Variants in RFPL1 observed in about 807,000 individuals in gnomAD.
The protein encoded by RFPL1 is ret finger protein-like 1.
Under a neutral mutation model 9.6 loss-of-function variants are expected in RFPL1, and 6 were observed. The ratio of observed to expected loss-of-function variants is 0.62; its 90% CI spans 0.34 to 1.23. RFPL1 has a LOEUF of 1.23. Ranked by LOEUF, RFPL1 falls within the 50% of genes most tolerant of loss-of-function variation. The pLI is 0.03. For missense variants in RFPL1, 352 were observed against 398.4 expected, an observed-to-expected ratio of 0.88 and a Z score of 0.99; for synonymous variants, 145 against 149.4, an observed-to-expected ratio of 0.97 and a Z score of 0.22.
chr22:29,389,058 CTTAT>C, the RFPL1 span, among the ~76,000 whole-genome samples: 2 of 152,066 alleles, frequency 1.3e-5, no homozygotes, highest in South Asian at 2.1e-4. Flanking sequence ...TTATTATTTA[CTTAT>C]TTATTTTTTG....
exon 2 of RFPL1, chr22:29,442,289 A>G (rs962929502): frequency 6.2e-6 from 3 of 481,750 alleles, no homozygotes; most frequent in African/African-American, 5.8e-5. Context: ...TTGAGTCCTA[A>G]GTATTAATTA....
At chr22:29,442,205 G>A (rs1234357385) in exon 2 of RFPL1, 20 of 993,676 alleles carry the variant, frequency 2.0e-5, no homozygotes, top group South Asian at 8.4e-5. Flanking sequence ...CGGTAAAAGC[G>A]TTATACAAAG....
At chr22:29,392,422 C>T in the RFPL1 span, among the ~76,000 whole-genome samples, 1 of 113,234 alleles carries the variant, frequency 8.8e-6, no homozygotes, top group Non-Finnish European at 1.7e-5. Flanking sequence ...AAGACAGAGT[C>T]TCCGTCACTC....
At chr22:29,423,970 A>G in the RFPL1 span, among the ~76,000 whole-genome samples, 1 of 152,162 alleles carries the variant, frequency 6.6e-6, no homozygotes, top group African/African-American at 2.4e-5. Flanking sequence ...AGGCACGTGG[A>G]TCACCTGAGG....
At chr22:29,390,505 C>G in the RFPL1 span, among the ~76,000 whole-genome samples, 1 of 152,104 alleles carries the variant, frequency 6.6e-6, no homozygotes, top group East Asian at 1.9e-4. Context: ...TTTTATATAT[C>G]TGCAGTATAA....
the RFPL1 span, among the ~76,000 whole-genome samples, chr22:29,409,372 T>C: frequency 6.6e-6 from 1 of 152,188 alleles, no homozygotes; most frequent in African/African-American, 2.4e-5. Flanking sequence ...TTGCTCTAGC[T>C]AGAAAGCCAA....
chr22:29,415,500 G>A, the RFPL1 span, among the ~76,000 whole-genome samples: 600 of 152,356 alleles, frequency 3.9e-3, 2 homozygotes, highest in East Asian at 0.017. Flanking sequence ...CAGGAACCGC[G>A]TAGCTCAAGC....
the RFPL1 span, among the ~76,000 whole-genome samples, chr22:29,392,854 G>T: frequency 6.6e-6 from 1 of 152,196 alleles, no homozygotes; most frequent in Non-Finnish European, 1.5e-5. Context: ...AACTTAAATA[G>T]CATGTGAGTG....
At chr22:29,410,451 TAG>T in the RFPL1 span, among the ~76,000 whole-genome samples, 29 of 100,594 alleles carry the variant, frequency 2.9e-4, no homozygotes, top group East Asian at 7.6e-4. Flanking sequence ...TATCTATATA[TAG>T]ATATATATAT....
the RFPL1 span, among the ~76,000 whole-genome samples, chr22:29,395,759 G>A: frequency 1.3e-5 from 2 of 152,074 alleles, no homozygotes. Flanking sequence ...GATCACCTGA[G>A]GTCAGGAGTT....
chr22:29,422,709 C>T, the RFPL1 span, among the ~76,000 whole-genome samples: 1 of 152,052 alleles, frequency 6.6e-6, no homozygotes, highest in Non-Finnish European at 1.5e-5. Flanking sequence ...CGCCACTGCA[C>T]TCCAGCTTGG....
the RFPL1 span, among the ~76,000 whole-genome samples, chr22:29,397,009 C>T: frequency 2.7e-5 from 4 of 150,852 alleles, no homozygotes; most frequent in African/African-American, 9.8e-5. Flanking sequence ...CGGGTTCACG[C>T]CATTCTCCTG....
chr22:29,439,010 G>A (rs756683428), exon 1 of RFPL1: 45 of 1,613,936 alleles, frequency 2.8e-5, no homozygotes, highest in Admixed American at 8.3e-5. Flanking sequence ...AGCCCCATGG[G>A]GAGGATCTAC....
the RFPL1 span, among the ~76,000 whole-genome samples, chr22:29,400,580 G>A: frequency 2.6e-5 from 4 of 151,960 alleles, no homozygotes; most frequent in African/African-American, 9.7e-5. Flanking sequence ...TCCTTTATTG[G>A]TTCTTACCAT....
the RFPL1 span, among the ~76,000 whole-genome samples, chr22:29,427,664 A>G: frequency 6.6e-6 from 1 of 152,066 alleles, no homozygotes. Context: ...ATCCTCCCTA[A>G]AGACTGAGGG....
the RFPL1 span, among the ~76,000 whole-genome samples, chr22:29,419,614 C>G: frequency 1.3e-5 from 2 of 151,962 alleles, no homozygotes; most frequent in East Asian, 3.9e-4. Context: ...ACCATCCTGG[C>G]CAACGTAGTG....
At chr22:29,389,843 G>C in the RFPL1 span, among the ~76,000 whole-genome samples, 1 of 151,610 alleles carries the variant, frequency 6.6e-6, no homozygotes, top group South Asian at 2.1e-4. Context: ...CTGTTGCCCG[G>C]ACTGGAGTGC....
At chr22:29,418,485 T>C in the RFPL1 span, among the ~76,000 whole-genome samples, 1 of 151,414 alleles carries the variant, frequency 6.6e-6, no homozygotes, top group East Asian at 1.9e-4. Flanking sequence ...TTTCCCATTC[T>C]TCTTCGTCTT....
chr22:29,437,941 G>A (rs2062816399), upstream of RFPL1: 3 of 472,142 alleles, frequency 6.4e-6, no homozygotes, highest in African/African-American at 2.1e-5. Flanking sequence ...TCCAAGGCTG[G>A]AGAAGGATGT....
Sources: allele counts gnomAD v4.1 joint callset (sites outside exome capture counted in the v4.1 genomes callset), GRCh38; gene constraint gnomAD v4.1.1; transcripts MANE v1.5; gene names NCBI Gene and HGNC (gene_info 2026-07-23, HGNC 2026-07-21).